Variants in ATRNL1 observed in about 807,000 individuals in gnomAD.
ATRNL1 encodes attractin like 1.
Under a neutral mutation model 182.7 loss-of-function variants are expected in ATRNL1, and 95 were observed. That is an observed-to-expected ratio of 0.52 (90% CI 0.44 to 0.62). The LOEUF is 0.62. Ranked by LOEUF, ATRNL1 falls within the 20% of genes least tolerant of loss-of-function variation. ATRNL1 has a pLI of 0.00. For synonymous variants in ATRNL1, 576 were observed against 568.3 expected, an observed-to-expected ratio of 1.01 and a Z score of -0.19; for missense variants, 1,471 against 1,679.5, an observed-to-expected ratio of 0.88 and a Z score of 2.17.
intron 19 of ATRNL1, among the ~76,000 whole-genome samples, chr10:115,348,236 G>A (rs1856065646): frequency 6.6e-6 from 1 of 152,140 alleles, no homozygotes; most frequent in African/African-American, 2.4e-5. Context: ...ACCTCCCAAA[G>A]TGCTGGAATT....
chr10:115,524,140 A>G (rs1048692283), intron 25 of ATRNL1, among the ~76,000 whole-genome samples: 1 of 152,222 alleles, frequency 6.6e-6, no homozygotes, highest in Non-Finnish European at 1.5e-5. Context: ...ACCAGCTGTC[A>G]TGGGAACATG....
chr10:115,456,951 G>A (rs1847553775), intron 21 of ATRNL1, among the ~76,000 whole-genome samples: 1 of 152,086 alleles, frequency 6.6e-6, no homozygotes, highest in South Asian at 2.1e-4. Flanking sequence ...GGAATGGTGT[G>A]CAATGACTTT....
intron 17 of ATRNL1, among the ~76,000 whole-genome samples, chr10:115,304,640 AG>A (rs1853638063): frequency 6.6e-6 from 1 of 152,072 alleles, no homozygotes; most frequent in Admixed American, 6.5e-5. Flanking sequence ...ATTTGCATAG[AG>A]CTTAGGGGAT....
chr10:115,743,317 C>T (rs553780023), intron 27 of ATRNL1, among the ~76,000 whole-genome samples: 4 of 151,378 alleles, frequency 2.6e-5, no homozygotes, highest in Non-Finnish European at 5.9e-5. Context: ...CATTCCTATC[C>T]AGCCATTTCT....
chr10:115,500,766 C>G (rs1033809909), intron 24 of ATRNL1, among the ~76,000 whole-genome samples: 1 of 151,934 alleles, frequency 6.6e-6, no homozygotes, highest in East Asian at 1.9e-4. Context: ...GTCTCGAACT[C>G]CCGACCTCAG....
intron 26 of ATRNL1, among the ~76,000 whole-genome samples, chr10:115,702,526 T>C (rs1160388518): frequency 6.6e-6 from 1 of 151,876 alleles, no homozygotes; most frequent in Non-Finnish European, 1.5e-5. Flanking sequence ...CTAATGACTC[T>C]ATACTTAGAA....
intron 27 of ATRNL1, among the ~76,000 whole-genome samples, chr10:115,807,366 T>C (rs1949945770): frequency 6.6e-6 from 1 of 152,172 alleles, no homozygotes; most frequent in Non-Finnish European, 1.5e-5. Context: ...TCCATCTGCC[T>C]CAGCCCCTAA....
At chr10:115,186,775 C>A (rs569888924) in intron 8 of ATRNL1, among the ~76,000 whole-genome samples, 112 of 152,016 alleles carry the variant, frequency 7.4e-4, no homozygotes, top group African/African-American at 2.6e-3. Context: ...TATTTGACAG[C>A]ACAACAGTGA....
At chr10:115,517,971 G>C (rs1423246405) in intron 24 of ATRNL1, among the ~76,000 whole-genome samples, 1 of 151,692 alleles carries the variant, frequency 6.6e-6, no homozygotes, top group East Asian at 1.9e-4. Flanking sequence ...TTCAGCCTTT[G>C]TATAAGTGTT....
At position 115,916,312 on chromosome 10, in the gene ATRNL1, G is replaced by A. The variant is rs78035224; in HGVS notation, c.4019-28346G>A. On this transcript the variant is annotated intron_variant, in intron 28 of 28. Coordinates refer to ENST00000355044, the MANE Select transcript of ATRNL1 (RefSeq NM_207303.4). Reference sequence around the variant, plus strand: ...GCCTAATCGTAATTAGCAGCCCAAAGTAACATTATAAATTCCTACAATGCC... The same window carrying A: ...GCCTAATCGTAATTAGCAGCCCAAAATAACATTATAAATTCCTACAATGCC... Among the ~76,000 whole-genome samples the A allele has an allele frequency of 6.1e-3, 931 of 152,328 alleles. 6 individuals are homozygous for A. The highest frequency in any genetic ancestry group is 0.011 in the Non-Finnish European group (735 of 68,022).
At chr10:115,431,332 G>A (rs1447237747) in intron 21 of ATRNL1, among the ~76,000 whole-genome samples, 1 of 151,692 alleles carries the variant, frequency 6.6e-6, no homozygotes, top group Non-Finnish European at 1.5e-5. Context: ...TTGAACCTGG[G>A]AGGTGGTGGA....
At chr10:115,805,700 A>T (rs2134244937) in intron 27 of ATRNL1, among the ~76,000 whole-genome samples, 1 of 152,256 alleles carries the variant, frequency 6.6e-6, no homozygotes, top group South Asian at 2.1e-4. Flanking sequence ...GTTATGGGGA[A>T]GATAATACAA....
intron 26 of ATRNL1, among the ~76,000 whole-genome samples, chr10:115,712,667 G>C (rs1947095976): frequency 6.6e-6 from 1 of 152,024 alleles, no homozygotes; most frequent in South Asian, 2.1e-4. Context: ...AGGAGTTCGA[G>C]ACCAGCCTGG....
intron 28 of ATRNL1, among the ~76,000 whole-genome samples, chr10:115,868,639 C>T (rs1951495617): frequency 6.6e-6 from 1 of 152,052 alleles, no homozygotes. Flanking sequence ...GCAGTTCGCC[C>T]AGGGTCATAC....
chr10:115,133,024 G>A (rs1845327928), intron 5 of ATRNL1, among the ~76,000 whole-genome samples: 1 of 152,112 alleles, frequency 6.6e-6, no homozygotes, highest in Non-Finnish European at 1.5e-5. Context: ...TGTCCTGAAT[G>A]GTATTGCCTA....
chr10:115,493,061 CAATAA>C (rs1849384489), intron 24 of ATRNL1, among the ~76,000 whole-genome samples: 1 of 152,026 alleles, frequency 6.6e-6, no homozygotes. Flanking sequence ...TGACAATTTA[CAATAA>C]AATAAAAAAT....
chr10:115,874,074 C>T (rs1360169516), intron 28 of ATRNL1, among the ~76,000 whole-genome samples: 1 of 152,184 alleles, frequency 6.6e-6, no homozygotes, highest in African/African-American at 2.4e-5. Flanking sequence ...CTTCATGTCT[C>T]CTCCACAGCT....
chr10:115,358,773 C>G (rs1242045783), intron 19 of ATRNL1, among the ~76,000 whole-genome samples: 3 of 151,486 alleles, frequency 2.0e-5, no homozygotes, highest in African/African-American at 7.3e-5. Flanking sequence ...CCAGTATGTT[C>G]TTATATTTTC....
chr10:115,679,789 T>G (rs1555044108), intron 26 of ATRNL1, among the ~76,000 whole-genome samples: 1 of 152,124 alleles, frequency 6.6e-6, no homozygotes, highest in East Asian at 1.9e-4. Context: ...CTTTAGTAGT[T>G]AGCTTTTCCA....
Sources: gnomAD v4.1 joint callset for allele counts (sites outside exome capture counted in the v4.1 genomes callset) on GRCh38, gnomAD v4.1.1 for gene constraint, MANE v1.5 for transcripts, NCBI Gene and HGNC (gene_info 2026-07-23, HGNC 2026-07-21) for gene names.